Variants in FHIT observed in about 807,000 individuals in gnomAD.
The protein encoded by FHIT is fragile histidine triad diadenosine triphosphatase.
In FHIT, 19 loss-of-function variants were observed where a neutral mutation model predicts 17.9. The ratio of observed to expected loss-of-function variants is 1.06; its 90% CI spans 0.74 to 1.56. The LOEUF (loss-of-function observed/expected upper bound fraction) is 1.56, where lower values mean the gene tolerates loss of function less well. Ranked by LOEUF, FHIT falls within the 40% of genes most tolerant of loss-of-function variation. FHIT has a pLI of 0.00. For missense variants in FHIT, 248 were observed against 189.2 expected (o/e 1.31, Z -1.82); for synonymous variants, 81 against 69.7 (o/e 1.16, Z -0.81).
intron 3 of FHIT, among the ~76,000 whole-genome samples, chr3:60,874,276 G>A (rs1477542324): frequency 6.6e-6 from 1 of 152,112 alleles, no homozygotes; most frequent in Admixed American, 6.6e-5. Flanking sequence ...AGCAGCATCG[G>A]TCGGCAATCA....
chr3:61,217,653 AC>A (rs1420182526), intron 1 of FHIT, among the ~76,000 whole-genome samples: 1 of 152,212 alleles, frequency 6.6e-6, no homozygotes, highest in Non-Finnish European at 1.5e-5. Flanking sequence ...AGTGTCTGTT[AC>A]ACTGTAAGAA....
At chr3:60,034,517 A>G (rs1405909670) in intron 5 of FHIT, among the ~76,000 whole-genome samples, 1 of 152,242 alleles carries the variant, frequency 6.6e-6, no homozygotes, top group Non-Finnish European at 1.5e-5. Context: ...TTCCCTAGGC[A>G]GCCATTTGAC....
chr3:60,592,188 C>G (rs1485453116), intron 4 of FHIT, among the ~76,000 whole-genome samples: 5 of 147,160 alleles, frequency 3.4e-5, no homozygotes, highest in South Asian at 2.1e-4. Flanking sequence ...TATATTATCT[C>G]TCTATATATT....
intron 5 of FHIT, among the ~76,000 whole-genome samples, chr3:60,210,090 A>G (rs1703379246): frequency 1.3e-5 from 2 of 152,160 alleles, no homozygotes; most frequent in South Asian, 4.1e-4. Context: ...AAAAACACAA[A>G]AACAAAAACC....
intron 4 of FHIT, among the ~76,000 whole-genome samples, chr3:60,700,089 C>T (rs1306969322): frequency 6.6e-6 from 1 of 150,596 alleles, no homozygotes; most frequent in Non-Finnish European, 1.5e-5. Flanking sequence ...CAAGATCACG[C>T]CACTGCACTC....
intron 5 of FHIT, among the ~76,000 whole-genome samples, chr3:60,252,943 A>T (rs765854827): frequency 7.2e-5 from 11 of 152,044 alleles, no homozygotes; most frequent in Non-Finnish European, 1.5e-4. Context: ...GCTTGCAGTG[A>T]GCCGAGATAG....
chr3:60,845,387 G>C (rs1292685642), intron 3 of FHIT, among the ~76,000 whole-genome samples: 4 of 151,898 alleles, frequency 2.6e-5, no homozygotes, highest in Non-Finnish European at 4.4e-5. Flanking sequence ...AACTACCATA[G>C]CTACTTAAGG....
chr3:60,856,644 C>T (rs1205621419), intron 3 of FHIT: 1 of 152,094 alleles, frequency 6.6e-6, no homozygotes, highest in Admixed American at 6.6e-5. Flanking sequence ...TTCCTGTTCC[C>T]ACTCTGCCCA....
At chr3:61,087,726 T>C (rs1334876858) in intron 2 of FHIT, among the ~76,000 whole-genome samples, 1 of 152,128 alleles carries the variant, frequency 6.6e-6, no homozygotes, top group Non-Finnish European at 1.5e-5. Context: ...AAATTACATG[T>C]TGTAATTCAT....
At chr3:60,295,976 T>A (rs1190446323) in intron 5 of FHIT, among the ~76,000 whole-genome samples, 1 of 152,096 alleles carries the variant, frequency 6.6e-6, no homozygotes, top group African/African-American at 2.4e-5. Flanking sequence ...TCCCTCATAC[T>A]GTTCTTGTGA....
intron 1 of FHIT, among the ~76,000 whole-genome samples, chr3:61,236,165 A>T (rs56222080): frequency 0.12 from 17,755 of 147,876 alleles, 1,415 homozygotes; most frequent in Non-Finnish European, 0.18. Flanking sequence ...GTATTATAAC[A>T]TATACTATAA....
At chr3:59,948,812 T>C (rs1245965170) in intron 7 of FHIT, among the ~76,000 whole-genome samples, 4 of 152,166 alleles carry the variant, frequency 2.6e-5, no homozygotes, top group African/African-American at 9.7e-5. Context: ...TCTACTTGTA[T>C]TGTTCATTTT....
chr3:60,096,698 CT>C (rs1703963752), intron 5 of FHIT, among the ~76,000 whole-genome samples: 1 of 152,146 alleles, frequency 6.6e-6, no homozygotes, highest in African/African-American at 2.4e-5. Flanking sequence ...TGTGTGTTTC[CT>C]TTCCTTCTCC....
At chr3:60,631,102 TAA>T (rs1308360747) in intron 4 of FHIT, among the ~76,000 whole-genome samples, 1 of 152,068 alleles carries the variant, frequency 6.6e-6, no homozygotes, top group Non-Finnish European at 1.5e-5. Context: ...GGACAACAGA[TAA>T]AAGTCTCTGT....
chr3:60,098,898 C>T lies in FHIT; in HGVS notation c.104-84746G>A, dbSNP rs542950367. On this transcript the variant is annotated intron_variant, in intron 5 of 9. Coordinates refer to ENST00000492590, the MANE Select transcript of FHIT (RefSeq NM_002012.4). ...TTTGACTGCCTGGGAGTCAGCACCC[C>T]TAACCCCTGTGATGTTCAAGGGTCA... Among the ~76,000 whole-genome samples the T allele has an allele frequency of 4.6e-5, 7 of 152,282 alleles. No individual in the cohort carries two copies. In the South Asian group the frequency reaches 1.5e-3, roughly 32 times the overall value.
At chr3:60,162,567 T>C (rs1270543805) in intron 5 of FHIT, among the ~76,000 whole-genome samples, 1 of 152,204 alleles carries the variant, frequency 6.6e-6, no homozygotes, top group Non-Finnish European at 1.5e-5. Flanking sequence ...TTGTTAAATA[T>C]TCTGTATTAT....
chr3:59,953,341 G>C (rs536523692), intron 7 of FHIT, among the ~76,000 whole-genome samples: 22 of 151,968 alleles, frequency 1.4e-4, no homozygotes, highest in Non-Finnish European at 2.9e-4. Flanking sequence ...TTGGGTCCTT[G>C]TGTGCATGTC....
chr3:60,574,089 C>T (rs183841054), intron 4 of FHIT, among the ~76,000 whole-genome samples: 9 of 152,182 alleles, frequency 5.9e-5, no homozygotes, highest in East Asian at 3.9e-4. Flanking sequence ...GCATTACAGA[C>T]GGGAGCCACC....
intron 5 of FHIT, among the ~76,000 whole-genome samples, chr3:60,385,406 C>A (rs562386915): frequency 1.3e-5 from 2 of 152,212 alleles, no homozygotes; most frequent in South Asian, 2.1e-4. Flanking sequence ...TCAAAAGCAG[C>A]CTTTGTGAAA....
Sources: gnomAD v4.1 joint callset for allele counts (sites outside exome capture counted in the v4.1 genomes callset) on GRCh38, gnomAD v4.1.1 for gene constraint, MANE v1.5 for transcripts, NCBI Gene and HGNC (gene_info 2026-07-23, HGNC 2026-07-21) for gene names.